The following MMAB variants were observed in gnomAD, a reference collection of about 807,000 sequenced individuals.
MMAB encodes corrinoid adenosyltransferase MMAB.
In MMAB, 17 loss-of-function variants were observed where a neutral mutation model predicts 30.6. The observed-to-expected ratio is 0.56, with a 90% CI of 0.38 to 0.83. The LOEUF (loss-of-function observed/expected upper bound fraction) is 0.83, where lower values mean the gene tolerates loss of function less well. MMAB is among the 40% of genes least tolerant of loss of function. The probability of loss-of-function intolerance (pLI) is 0.00; values close to 1 mark genes in which losing one functional copy is unlikely to be tolerated. For synonymous variants in MMAB, 134 were observed against 138.6 expected, an observed-to-expected ratio of 0.97 and a Z score of 0.23; for missense variants, 311 against 331.6, an observed-to-expected ratio of 0.94 and a Z score of 0.48.
intron 2 of MMAB, among the ~76,000 whole-genome samples, chr12:109,570,361 A>G (rs887856988): frequency 1.2e-4 from 18 of 152,094 alleles, no homozygotes; most frequent in African/African-American, 3.4e-4. Flanking sequence ...CACAAGCCCA[A>G]CCCTACAATA....
chr12:109,564,379 G>GTTTTT (rs869192707), intron 4 of MMAB, among the ~76,000 whole-genome samples: 2 of 126,758 alleles, frequency 1.6e-5, no homozygotes, highest in Non-Finnish European at 1.7e-5. Flanking sequence ...GGAGACAGAG[G>GTTTTT]TTTTTTTTTT....
chr12:109,565,019 G>T, intron 4 of MMAB, 100 bp downstream of exon 4: 1 of 917,996 alleles, frequency 1.1e-6, no homozygotes, highest in Non-Finnish European at 1.8e-6. Flanking sequence ...AGAGTAACTA[G>T]CCCCAGGTGA....
rs10774774 is a variant in MMAB at position 109,573,424 on chromosome 12, G to A, written c.57C>T (p.Arg19=). The change falls in exon 1 of 9, where the codon CGC becomes CGT. Residue 19 remains arginine, a synonymous_variant. Coordinates refer to ENST00000545712, the MANE Select transcript of MMAB (RefSeq NM_052845.4). ...GGAGCCTGGCGGCGCCGAAGCACCC[G>A]CGCAGGCCAAGACGGCTCCCCAGGC... The part of the protein sequence containing the change: ...RLGLGSRLGL[R]GCFGAARLLY... The A allele has an allele frequency of 5.0e-6, 8 of 1,607,888 alleles. No individual in the cohort carries two copies. Among genetic ancestry groups the A allele is most frequent in the Non-Finnish European group, 6.8e-6 (8 of 1,178,356 alleles).
At position 109,561,065 on chromosome 12, in the gene MMAB, C is replaced by T; in HGVS notation, c.559G>A (p.Ala187Thr). ...KISSALHFCRAVCRRAERRVV... is the reference protein window; with the variant it reads ...KISSALHFCRTVCRRAERRVV... ...CGTCTCTCGGCCCGGCGGCACACGG[C>T]CCGGCAGAAATGCAGCGCCGAGCTG... Residue 187 changes from alanine to threonine, a missense_variant, in exon 7 of 9, where the codon GCC becomes ACC. Coordinates refer to ENST00000545712, the MANE Select transcript of MMAB (RefSeq NM_052845.4). This position sits in a 1 kb window ranked among gnomAD's most constrained non-coding sequence, Gnocchi z 5.3. 6.2e-7 allele frequency: 1 copy of T among 1,610,954 alleles called. No homozygotes were observed. Among genetic ancestry groups the T allele is most frequent in the South Asian group, 1.1e-5 (1 of 91,066 alleles).
In MMAB at chr12:109,556,105, C is replaced by G. The variant is rs895759422; in HGVS notation, c.*923G>C. The G allele has an allele frequency of 2.4e-5, 11 of 453,808 alleles. No individual in the cohort carries two copies. The highest frequency in any genetic ancestry group is 1.8e-4 in the African/African-American group (9 of 49,988). The allele number at this position is 453,808 out of a possible 1,614,324, so 28.1% of individuals were successfully genotyped here. A position where few individuals can be genotyped will look rare whatever the true frequency, so the allele number is the denominator to read the frequency against. ...GCCTTTCCCAAGGACACTGCTGGCA[C>G]TGGCAGTGTCGTTTCATAGCAGGAG... On this transcript the variant is annotated 3_prime_UTR_variant, in exon 9 of 9. Transcript: ENST00000545712.
chr12:109,561,582 C>T lies in MMAB; in HGVS notation c.422-65G>A. On this transcript the variant is annotated intron_variant, in intron 5 of 8. Transcript: ENST00000545712. The surrounding 1 kb of genome is among the most constrained non-coding windows in gnomAD (Gnocchi z 5.3). Reference sequence around the variant, plus strand: ...TCACCCACCAGACCATGGCGGGAACCACCCCCGCCGCCCTTCCACCTGGGT... The same window carrying T: ...TCACCCACCAGACCATGGCGGGAACTACCCCCGCCGCCCTTCCACCTGGGT... 7.1e-7 allele frequency: 1 copy of T among 1,399,238 alleles called. No individual in the cohort carries two copies. Among genetic ancestry groups the T allele is most frequent in the Non-Finnish European group, 9.8e-7 (1 of 1,018,228 alleles). The allele number at this position is 1,399,238 out of a possible 1,614,324, so 86.7% of individuals were successfully genotyped here.
rs993587833 is a variant in MMAB, at chr12:109,558,310, C to A, written c.644+786G>T. Among the ~76,000 whole-genome samples the A allele has an allele frequency of 6.6e-6, 1 of 152,122 alleles. No individual in the cohort carries two copies. The highest frequency in any genetic ancestry group is 2.4e-5 in the African/African-American group (1 of 41,422). On this transcript the variant is annotated intron_variant, in intron 8 of 8. Transcript: ENST00000545712. This position sits in a 1 kb window ranked among gnomAD's most constrained non-coding sequence, Gnocchi z 4.3. ...CTGCTTTGAAGGTGAAGTAGACCTG[C>A]TCCTCACTCCCGGCGAAACCCCCCT...
At position 109,569,664 on chromosome 12, in the gene MMAB, G is replaced by A. The variant is rs1455249210; in HGVS notation, c.197-801C>T. Among the ~76,000 whole-genome samples the A allele has an allele frequency of 6.6e-6, 1 of 152,202 alleles. No homozygotes were observed. Among genetic ancestry groups the A allele is most frequent in the Non-Finnish European group, 1.5e-5 (1 of 68,044 alleles). ...CCCTGACAGTTTGGAGCTGGCTTTC[G>A]CTATCGGGCAGGCTTTGGGGTTGCC... On this transcript the variant is annotated intron_variant, in intron 2 of 8. Coordinates refer to ENST00000545712, the MANE Select transcript of MMAB (RefSeq NM_052845.4). The surrounding 1 kb of genome is among the most constrained non-coding windows in gnomAD (Gnocchi z 4.1).
rs886048922 is a variant in MMAB at position 109,556,337 on chromosome 12, T to G, written c.*691A>C. The stretch of plus-strand genomic sequence containing the variant: ...GGGAATGTTCACCTTCAAGTGGTAG[T>G]GTTGTTCTCATCAGCATCTCCATCC... On this transcript the variant is annotated 3_prime_UTR_variant, in exon 9 of 9. Transcript: ENST00000545712. 4.8e-5 allele frequency: 22 copies of G among 453,738 alleles called. No individual in the cohort carries two copies. Among genetic ancestry groups the G allele is most frequent in the Admixed American group, 9.4e-5 (4 of 42,544 alleles). The allele number at this position is 453,738 out of a possible 1,614,324, so 28.1% of individuals were successfully genotyped here.
intron 1 of MMAB, 117 bp downstream of exon 1, chr12:109,573,230 C>T (rs899850964): frequency 1.4e-6 from 2 of 1,380,870 alleles, no homozygotes; most frequent in South Asian, 1.2e-5. Context: ...GTCAGAACAG[C>T]GTGGAGACGT....
rs1251570137 is a variant in MMAB, at chr12:109,557,144, G to C, written c.645-8C>G. 20 of 1,575,166 alleles carry C rather than the reference G, an allele frequency of 1.3e-5. 1 individual carries two copies. The Middle Eastern group carries it at 1.5e-3, about 118-fold the overall frequency. ...AAGAGATAGTCACTGAGTCTGGAGG[G>C]GCAGAGAGAGAGAAGCAAACAGAAT... On this transcript the variant is annotated splice_polypyrimidine_tract_variant and splice_region_variant and intron_variant, in intron 8 of 8. Transcript: ENST00000545712.
intron 7 of MMAB, 70 bp downstream of exon 7, chr12:109,560,970 T>TGGGGGGGGGG: frequency 2.5e-6 from 2 of 808,182 alleles, no homozygotes; most frequent in East Asian, 2.8e-5. Flanking sequence ...CTCCTCTCCC[T>TGGGGGGGGGG]CTCCCTCCCC....
intron 4 of MMAB, among the ~76,000 whole-genome samples, chr12:109,564,291 A>G (rs954461027): frequency 6.6e-6 from 1 of 151,710 alleles, no homozygotes; most frequent in Admixed American, 6.6e-5. Flanking sequence ...GAACCGTTGC[A>G]TTTTAAATTC....
intron 3 of MMAB, among the ~76,000 whole-genome samples, chr12:109,566,374 A>G (rs1421911220): frequency 6.6e-6 from 1 of 152,264 alleles, no homozygotes; most frequent in Non-Finnish European, 1.5e-5. Flanking sequence ...TTCCTGGCAC[A>G]TCTTACAGTT....
At position 109,554,093 on chromosome 12, in the gene MMAB, G is replaced by A. The variant is rs1238919346; in HGVS notation, c.*2935C>T. 2 of 454,188 alleles carry A rather than the reference G, an allele frequency of 4.4e-6. No individual in the cohort carries two copies. Among genetic ancestry groups the A allele is most frequent in the Non-Finnish European group, 8.8e-6 (2 of 226,808 alleles). The allele number at this position is 454,188 out of a possible 1,614,324, so 28.1% of individuals were successfully genotyped here. ...TGATTAAAACGACTGTCAAGCGGCAGTGGGTGGGAGCTGAGGAGCACGGGG... is the reference window on the plus strand; with the variant it reads ...TGATTAAAACGACTGTCAAGCGGCAATGGGTGGGAGCTGAGGAGCACGGGG... On this transcript the variant is annotated 3_prime_UTR_variant, in exon 9 of 9. Coordinates refer to ENST00000545712, the MANE Select transcript of MMAB (RefSeq NM_052845.4).
rs1439292153 is a variant in MMAB, at chr12:109,558,504, T to C, written c.644+592A>G. 1.3e-5 allele frequency among the ~76,000 whole-genome samples: 2 copies of C among 152,086 alleles called. No homozygotes were observed. Among genetic ancestry groups the C allele is most frequent in the Non-Finnish European group, 1.5e-5 (1 of 67,996 alleles). The stretch of plus-strand genomic sequence containing the variant: ...CCCCAGGCTCTGGCCTTGCCCACAC[T>C]GATGCCACAGAAGCCAGGGCTGGGG... On this transcript the variant is annotated intron_variant, in intron 8 of 8. Coordinates refer to ENST00000545712, the MANE Select transcript of MMAB (RefSeq NM_052845.4). The surrounding 1 kb of genome is among the most constrained non-coding windows in gnomAD (Gnocchi z 4.3).
At chr12:109,572,732 A>G (rs926389634) in intron 1 of MMAB, among the ~76,000 whole-genome samples, 2 of 151,968 alleles carry the variant, frequency 1.3e-5, no homozygotes, top group Non-Finnish European at 2.9e-5. Context: ...CTTATACTCC[A>G]CCAACTCAGG....
At position 109,556,936 on chromosome 12, in the gene MMAB, GC is replaced by G; in HGVS notation, c.*91del. 1 of 833,854 alleles carries G rather than the reference GC, an allele frequency of 1.2e-6. No individual in the cohort carries two copies. Among genetic ancestry groups the G allele is most frequent in the Admixed American group, 1.9e-5 (1 of 53,330 alleles). The allele number at this position is 833,854 out of a possible 1,614,324, so 51.7% of individuals were successfully genotyped here. ...GGCTGCTTTGAGCCTCTCTGGGTGA[GC>G]TCTTCAGGAACCAGGACCCCAGAAG... On this transcript the variant is annotated 3_prime_UTR_variant, in exon 9 of 9. Coordinates refer to ENST00000545712, the MANE Select transcript of MMAB (RefSeq NM_052845.4).
chr12:109,563,206 C>T (rs1884278634), intron 4 of MMAB, among the ~76,000 whole-genome samples: 1 of 152,216 alleles, frequency 6.6e-6, no homozygotes. Flanking sequence ...CCACGTGCAG[C>T]GTGTACCCCA....
Sources: gnomAD v4.1 joint callset for allele counts (sites outside exome capture counted in the v4.1 genomes callset) on GRCh38, gnomAD v4.1.1 for gene constraint, Gnocchi (gnomAD v3.1) non-coding constraint, MANE v1.5 for transcripts, NCBI Gene and HGNC (gene_info 2026-07-23, HGNC 2026-07-21) for gene names.